The following FGGY variants were observed in gnomAD, a reference collection of about 807,000 sequenced individuals.
FGGY encodes FGGY carbohydrate kinase domain-containing protein.
FGGY carries 72 observed loss-of-function variants against 71.3 expected under a neutral mutation model. The observed-to-expected ratio is 1.01, with a 90% CI of 0.84 to 1.23. The LOEUF (loss-of-function observed/expected upper bound fraction) is 1.23, where lower values mean the gene tolerates loss of function less well. Ranked by LOEUF, FGGY falls within the 50% of genes most tolerant of loss-of-function variation. FGGY has a pLI of 0.00. For synonymous variants in FGGY, 251 were observed against 250.3 expected, an observed-to-expected ratio of 1.00 and a Z score of -0.02; for missense variants, 668 against 682.3, an observed-to-expected ratio of 0.98 and a Z score of 0.23.
intron 14 of FGGY, among the ~76,000 whole-genome samples, chr1:59,735,545 C>A (rs1387311852): frequency 6.6e-6 from 1 of 152,232 alleles, no homozygotes; most frequent in African/African-American, 2.4e-5. Flanking sequence ...GTGACACCTG[C>A]TGTTTGCAAA....
intron 1 of FGGY, among the ~76,000 whole-genome samples, 154 bp from the exon 2 acceptor site, chr1:59,321,382 C>T (rs1225754599): frequency 1.3e-5 from 2 of 152,206 alleles, no homozygotes; most frequent in African/African-American, 4.8e-5. Flanking sequence ...TATTAGTATA[C>T]TGTTATCACT....
At chr1:59,347,013 A>C (rs1455690403) in intron 4 of FGGY, among the ~76,000 whole-genome samples, 1 of 151,126 alleles carries the variant, frequency 6.6e-6, no homozygotes, top group East Asian at 1.9e-4. Context: ...GGTGGAAGGA[A>C]AAATCAGTTA....
intron 11 of FGGY, among the ~76,000 whole-genome samples, chr1:59,648,933 G>T (rs1300684468): frequency 1.3e-5 from 2 of 151,712 alleles, no homozygotes; most frequent in African/African-American, 4.9e-5. Context: ...TGTATAAGGT[G>T]TAAGGAAGGG....
chr1:59,517,897 A>G (rs1570561440), intron 7 of FGGY, among the ~76,000 whole-genome samples: 1 of 152,354 alleles, frequency 6.6e-6, no homozygotes. Context: ...CCTATACAAT[A>G]GTTATACTTG....
At chr1:59,508,330 A>G (rs1338672473) in intron 6 of FGGY, among the ~76,000 whole-genome samples, 3 of 152,256 alleles carry the variant, frequency 2.0e-5, no homozygotes, top group Non-Finnish European at 4.4e-5. Flanking sequence ...ATGGAAATCT[A>G]TGCAGGCAAT....
chr1:59,331,166 C>T (rs835378), intron 2 of FGGY, among the ~76,000 whole-genome samples: 87,771 of 151,872 alleles, frequency 0.58, 26,325 homozygotes, highest in African/African-American at 0.75. Context: ...CTGGACTTGG[C>T]AACAATGGAG....
intron 4 of FGGY, among the ~76,000 whole-genome samples, chr1:59,367,216 G>T (rs183150523): frequency 6.6e-6 from 1 of 152,208 alleles, no homozygotes; most frequent in South Asian, 2.1e-4. Context: ...TTCTGTCTCT[G>T]TGCATGGGAG....
intron 2 of FGGY, among the ~76,000 whole-genome samples, chr1:59,325,987 G>A (rs186876613): frequency 1.3e-5 from 2 of 152,286 alleles, no homozygotes; most frequent in East Asian, 1.9e-4. Flanking sequence ...TGCAGTCCAC[G>A]ATTTTAAAGG....
chr1:59,343,583 A>G (rs758720982), intron 3 of FGGY, among the ~76,000 whole-genome samples: 1 of 152,176 alleles, frequency 6.6e-6, no homozygotes, highest in Non-Finnish European at 1.5e-5. Flanking sequence ...TCCTGCAGAC[A>G]TATGTTGCTT....
chr1:59,356,123 A>G (rs973278542), intron 4 of FGGY, among the ~76,000 whole-genome samples: 1 of 152,102 alleles, frequency 6.6e-6, no homozygotes, highest in Non-Finnish European at 1.5e-5. Flanking sequence ...TTCATTTTGC[A>G]GCAGTCCTCA....
chr1:59,695,188 A>G (rs2097646596), intron 14 of FGGY, among the ~76,000 whole-genome samples: 2 of 152,240 alleles, frequency 1.3e-5, no homozygotes. Context: ...AGACTAGTAT[A>G]TTCTCTACCC....
At chr1:59,337,792 T>G (rs2049892997) in intron 2 of FGGY, among the ~76,000 whole-genome samples, 1 of 152,208 alleles carries the variant, frequency 6.6e-6, no homozygotes, top group African/African-American at 2.4e-5. Context: ...GCATATGAGA[T>G]CATGTCATCT....
intron 7 of FGGY, among the ~76,000 whole-genome samples, chr1:59,548,748 A>G (rs1012097845): frequency 2.6e-5 from 4 of 152,198 alleles, no homozygotes; most frequent in Admixed American, 1.3e-4. Context: ...TCAGGGCTCA[A>G]TTGCCACATG....
chr1:59,667,860 C>T (rs562071083), intron 13 of FGGY, among the ~76,000 whole-genome samples: 22 of 152,246 alleles, frequency 1.4e-4, no homozygotes, highest in African/African-American at 4.8e-4. Context: ...GAGAAAAGTA[C>T]GGGGTATCAT....
chr1:59,379,920 G>A (rs913727057), intron 5 of FGGY, among the ~76,000 whole-genome samples: 1 of 151,888 alleles, frequency 6.6e-6, no homozygotes, highest in African/African-American at 2.4e-5. Context: ...ATTTACATGA[G>A]GTATATCTCC....
intron 10 of FGGY, among the ~76,000 whole-genome samples, chr1:59,628,862 A>G (rs2096882907): frequency 6.6e-6 from 1 of 152,164 alleles, no homozygotes; most frequent in East Asian, 1.9e-4. Context: ...TTTCTGGGCT[A>G]TTTACTTAAC....
At chr1:59,514,426 G>T (rs145450395) in intron 7 of FGGY, among the ~76,000 whole-genome samples, 212 of 152,344 alleles carry the variant, frequency 1.4e-3, no homozygotes, top group African/African-American at 4.7e-3. Flanking sequence ...ATGTCCTCCA[G>T]GAGGGGAGAC....
At chr1:59,684,415 A>G (rs12120006) in intron 14 of FGGY, among the ~76,000 whole-genome samples, 30,492 of 151,972 alleles carry the variant, frequency 0.2, 3,322 homozygotes, top group Admixed American at 0.31. Flanking sequence ...GTCTTCCAGA[A>G]GAGGCAACCT....
intron 5 of FGGY, among the ~76,000 whole-genome samples, chr1:59,386,924 T>C (rs1004542990): frequency 6.6e-6 from 1 of 152,152 alleles, no homozygotes; most frequent in Non-Finnish European, 1.5e-5. Context: ...ACTTTTCCTC[T>C]CCCCTCCATT....
Sources: allele counts gnomAD v4.1 joint callset (sites outside exome capture counted in the v4.1 genomes callset), GRCh38; gene constraint gnomAD v4.1.1; transcripts MANE v1.5; gene names NCBI Gene and HGNC (gene_info 2026-07-23, HGNC 2026-07-21).